TEX15: variants seen among roughly 807,000 people sequenced by gnomAD.
TEX15 encodes the protein testis expressed 15, meiosis and synapsis associated.
Under a neutral mutation model 237.3 loss-of-function variants are expected in TEX15, and 171 were observed. That is an observed-to-expected ratio of 0.72 (90% confidence interval 0.64 to 0.82). The LOEUF is 0.82. Ranked by LOEUF, TEX15 falls within the 40% of genes least tolerant of loss-of-function variation. The pLI, the probability that TEX15 is intolerant of heterozygous loss-of-function variation, is 0.00. For missense variants in TEX15, 3,750 were observed against 3,646.5 expected (o/e 1.03, Z -0.73); for synonymous variants, 1,338 against 1,269.8 (o/e 1.05, Z -1.14).
rs1807542370 is a variant in TEX15, at chr8:30,844,424, CTG to C, written c.5741_5742del (p.Thr1914SerfsTer3). 2 of 1,612,014 alleles carry C rather than the reference CTG, an allele frequency of 1.2e-6. No homozygotes were observed. Among genetic ancestry groups the C allele is most frequent in the Non-Finnish European group, 1.7e-6 (2 of 1,179,188 alleles). On this transcript the variant is annotated frameshift_variant, in exon 8 of 11. Coordinates refer to ENST00000643185, the MANE Select transcript of TEX15 (RefSeq NM_001350162.2). LOFTEE classifies it high-confidence loss of function. ...TCTCTTTTGTTAAGCGGATTAGAAA[CTG>C]TGTTCTTCAAAGGGACTGACTCAGT... is the stretch of plus-strand genomic sequence containing the variant. ...TTTESVPLKNTVSNPLNKREK... is the reference protein window; with the variant it reads ...TTTESVPLKNXVSNPLNKREK...
At chr8:30,864,471 G>A (rs1395697780) in intron 5 of TEX15, among the ~76,000 whole-genome samples, 2 of 151,488 alleles carry the variant, frequency 1.3e-5, no homozygotes, top group Admixed American at 1.3e-4. Context: ...AAAATAGGTA[G>A]GAGGATCGCT....
At chr8:30,856,647 T>G (rs908808076) in intron 7 of TEX15, among the ~76,000 whole-genome samples, 1 of 152,130 alleles carries the variant, frequency 6.6e-6, no homozygotes, top group African/African-American at 2.4e-5. Context: ...ATCTTATACT[T>G]TTAAATCAAC....
intron 8 of TEX15, 114 bp downstream of exon 8, chr8:30,841,890 C>T: frequency 1.6e-6 from 1 of 634,630 alleles, no homozygotes; most frequent in Non-Finnish European, 2.6e-6. Flanking sequence ...ATTCATTTTG[C>T]CAGACAATTT....
chr8:30,902,224 CTT>C (rs551012450), intron 1 of TEX15, among the ~76,000 whole-genome samples: 27 of 140,572 alleles, frequency 1.9e-4, no homozygotes, highest in Middle Eastern at 3.7e-3. Flanking sequence ...CCTTTTCCTC[CTT>C]TTTTTTTTTT....
rs911002497 is a variant in TEX15 at position 30,846,756 on chromosome 8, A to G, written c.3411T>C (p.Tyr1137=). ...CTGTTTCATTGTTTTGTGTAGAGGA[A>G]TAAAAATAGTTACTTTCCTTAGAAT... ...QHYSKESNYF[Y]SSTQNNETEL... is the part of the protein sequence containing the mutation. Residue 1137 remains tyrosine, a synonymous_variant, in exon 8 of 11, where the codon TAT becomes TAC. Transcript: ENST00000643185. 1 of 1,613,858 alleles carries G rather than the reference A, an allele frequency of 6.2e-7. No individual in the cohort carries two copies. Among genetic ancestry groups the G allele is most frequent in the African/African-American group, 1.3e-5 (1 of 75,036 alleles).
At position 30,833,191 on chromosome 8, in the gene TEX15, C is replaced by A. The variant is rs920718365; in HGVS notation, c.*95G>T. On this transcript the variant is annotated 3_prime_UTR_variant, in exon 11 of 11. Transcript: ENST00000643185. ...TGATTTATATTTCCTACCACATTTA[C>A]AAACATTAAAAATCGCTAAATGTTA... 1.6e-5 allele frequency: 13 copies of A among 800,966 alleles called. No individual in the cohort carries two copies. Among genetic ancestry groups the A allele is most frequent in the Non-Finnish European group, 2.4e-5 (12 of 503,072 alleles). The allele number at this position is 800,966 out of a possible 1,614,324, so 49.6% of individuals were successfully genotyped here.
rs33984716 is a variant in TEX15 at position 30,836,205 on chromosome 8, GTTTTTTT to G, written c.9481+591_9481+597del. Among the ~76,000 whole-genome samples the G allele has an allele frequency of 1.1e-3, 47 of 43,270 alleles. No individual in the cohort carries two copies. In the East Asian group the frequency reaches 0.013, roughly 12 times the overall value. The allele number at this position is 43,270 out of a possible 152,430, so 28.4% of individuals were successfully genotyped here. On this transcript the variant is annotated intron_variant, in intron 10 of 10. Transcript: ENST00000643185. Reference sequence around the variant, plus strand: ...TGGTTGCGTCACATTTCACTGTATCGTTTTTTTTTTTTTTTTTTTTTTTTTTTGAGGT... The same window carrying G: ...TGGTTGCGTCACATTTCACTGTATCGTTTTTTTTTTTTTTTTTTTTGAGGT...
intron 4 of TEX15, among the ~76,000 whole-genome samples, chr8:30,872,560 G>C (rs191172241): frequency 1.3e-5 from 2 of 152,104 alleles, no homozygotes; most frequent in African/African-American, 4.8e-5. Flanking sequence ...AGTACTTCAG[G>C]AAGTATTCCT....
At chr8:30,872,858 AAAAGTTAG>A (rs1808320556) in intron 4 of TEX15, among the ~76,000 whole-genome samples, 2 of 152,226 alleles carry the variant, frequency 1.3e-5, no homozygotes, top group Admixed American at 6.6e-5. Context: ...AAAAGGGTCA[AAAAGTTAG>A]ACTTTTAAAG....
chr8:30,880,681 TAATC>T (rs1319146946), intron 3 of TEX15, among the ~76,000 whole-genome samples: 1 of 152,166 alleles, frequency 6.6e-6, no homozygotes, highest in Admixed American at 6.5e-5. Context: ...AATTATGTGT[TAATC>T]AACTGTTCAT....
Position 30,846,286 on chromosome 8 carries a change from T to A in TEX15, c.3881A>T (p.Glu1294Val), listed in dbSNP as rs1231935365. 3.1e-6 allele frequency: 5 copies of A among 1,613,324 alleles called. No homozygotes were observed. The highest frequency in any genetic ancestry group is 8.5e-7 in the Non-Finnish European group (1 of 1,179,684). The change falls in exon 8 of 11, where the codon GAG becomes GTG. Residue 1294 changes from glutamate (E) to valine (V), a missense_variant. Coordinates refer to ENST00000643185, the MANE Select transcript of TEX15 (RefSeq NM_001350162.2). ...TDYNDTKNKK[E>V]VESRISKRKL... ...CCTTTTGCTAATTCTTGATTCTACC[T>A]CCTTTTTATTTTTGGTATCATTATA...
chr8:30,843,050 T>C lies in TEX15; in HGVS notation c.7117A>G (p.Ser2373Gly), dbSNP rs1453968797. ...LLAHPDICCISEILDQAEFAD... is the reference protein window; with the variant it reads ...LLAHPDICCIGEILDQAEFAD... ...AATTCAGCCTGATCCAATATCTCAC[T>C]AATACAACAAATATCTGGGTGTGCA... The change falls in exon 8 of 11, where the codon AGT becomes GGT. Residue 2373 changes from serine (S) to glycine (G), a missense_variant. Ser to Gly is a moderately conservative substitution (Grantham distance 56). Transcript: ENST00000643185. 3.7e-6 allele frequency: 6 copies of C among 1,613,602 alleles called. No homozygotes were observed. Among genetic ancestry groups the C allele is most frequent in the Non-Finnish European group, 2.5e-6 (3 of 1,179,704 alleles).
intron 8 of TEX15, among the ~76,000 whole-genome samples, chr8:30,840,194 C>T (rs1432509615): frequency 4.6e-5 from 7 of 151,690 alleles, no homozygotes; most frequent in African/African-American, 1.5e-4. Flanking sequence ...TCTTCTTATC[C>T]TCACATCTTT....
intron 4 of TEX15, among the ~76,000 whole-genome samples, chr8:30,870,283 T>C (rs1432764933): frequency 6.6e-6 from 1 of 152,066 alleles, no homozygotes; most frequent in Non-Finnish European, 1.5e-5. Flanking sequence ...GAACTTTTAA[T>C]TTACTCTGTG....
rs1807491859 is a variant in TEX15, at chr8:30,842,764, T to G, written c.7403A>C (p.Lys2468Thr). The G allele has an allele frequency of 1.2e-6, 2 of 1,613,444 alleles. No homozygotes were observed. The highest frequency in any genetic ancestry group is 2.2e-5 in the South Asian group (2 of 91,032). The part of the protein sequence containing the change: ...LKNSIAKKLD[K>T]QRFRGMLWFD... ...CCAAAGCATACCTCGAAACCTCTGT[T>G]TGTCTAGTTTCTTTGCTATTGAGTT... The change falls in exon 8 of 11, where the codon AAA (lysine) becomes ACA (threonine). Residue 2468 changes from lysine (K) to threonine (T), a missense_variant. Lys to Thr is a moderately conservative substitution (Grantham distance 78). Transcript: ENST00000643185.
rs1807621283 is a variant in TEX15 at position 30,846,699 on chromosome 8, T to C, written c.3468A>G (p.Leu1156=). ...ELTSPILLPD[L]QIKITNIFRP... ...TAAATATATTAGTAATTTTAATTTG[T>C]AGATCTGGAAGTAAAATTGGGCTGG... Residue 1156 remains leucine, a synonymous_variant, in exon 8 of 11, where the codon CTA becomes CTG. Transcript: ENST00000643185. 6.2e-7 allele frequency: 1 copy of C among 1,613,520 alleles called. No individual in the cohort carries two copies. The highest frequency in any genetic ancestry group is 1.3e-5 in the African/African-American group (1 of 74,904).
intron 2 of TEX15, chr8:30,890,679 T>A (rs1464445947): frequency 2.6e-5 from 4 of 152,246 alleles, no homozygotes; most frequent in African/African-American, 9.6e-5. Context: ...CTGATTTTCT[T>A]GGTCTCTTAG....
At chr8:30,874,877 A>G (rs1585302078) in intron 4 of TEX15, 60 bp downstream of exon 4, 3 of 1,040,016 alleles carry the variant, frequency 2.9e-6, no homozygotes, top group Non-Finnish European at 3.7e-6. Flanking sequence ...GAATTAGCAT[A>G]AAACTCCATA....
intron 2 of TEX15, among the ~76,000 whole-genome samples, chr8:30,891,671 A>C (rs1404208347): frequency 1.3e-5 from 2 of 151,668 alleles, no homozygotes; most frequent in East Asian, 2.0e-4. Context: ...AGGGAGGTTC[A>C]CCATGTTGGC....
Sources: allele counts gnomAD v4.1 joint callset (sites outside exome capture counted in the v4.1 genomes callset), GRCh38; gene constraint gnomAD v4.1.1; transcripts MANE v1.5; gene names NCBI Gene and HGNC (gene_info 2026-07-23, HGNC 2026-07-21).